CNOT2: variants seen among roughly 807,000 people sequenced by gnomAD.
CNOT2 encodes CCR4-NOT transcription complex subunit 2, also known as CC chemokine receptor 4-negative regulator of transcription 2.
Under a neutral mutation model 72.1 loss-of-function variants are expected in CNOT2, and 7 were observed. The ratio of observed to expected loss-of-function variants is 0.10; its 90% CI spans 0.06 to 0.18. The LOEUF is 0.18. Among genes scored for constraint, CNOT2 ranks in the 10% least tolerant of loss-of-function variants. The pLI, the probability that CNOT2 is intolerant of heterozygous loss-of-function variation, is 1.00. For synonymous variants in CNOT2, 196 were observed against 225.6 expected, an observed-to-expected ratio of 0.87 and a Z score of 1.17; for missense variants, 345 against 660.3, an observed-to-expected ratio of 0.52 and a Z score of 5.23.
chr12:70,342,179 C>A lies in CNOT2; in HGVS notation c.1240+11C>A. On this transcript the variant is annotated intron_variant, in intron 12 of 15. Coordinates refer to ENST00000229195, the MANE Select transcript of CNOT2 (RefSeq NM_014515.7). ...GACCTCAAGACATAGGTAGGAGAAT[C>A]TATTTGTGTTTAGACCTTTTAAAAA... The A allele has an allele frequency of 6.2e-7, 1 of 1,611,828 alleles. No individual in the cohort carries two copies. The highest frequency in any genetic ancestry group is 8.5e-7 in the Non-Finnish European group (1 of 1,178,000).
At chr12:70,284,244 C>CT (rs759085835) in intron 2 of CNOT2, among the ~76,000 whole-genome samples, 122 of 138,568 alleles carry the variant, frequency 8.8e-4, no homozygotes, top group Middle Eastern at 4.0e-3. Flanking sequence ...CTATGCCCAG[C>CT]TTTTTTTTTT....
chr12:70,344,335 C>A, intron 14 of CNOT2, 107 bp downstream of exon 14: 1 of 665,796 alleles, frequency 1.5e-6, no homozygotes, highest in Admixed American at 2.7e-5. Context: ...ATTTCTCCAT[C>A]AAGAAATTTA....
At chr12:70,277,137 T>C (rs905808199) in intron 1 of CNOT2, among the ~76,000 whole-genome samples, 1 of 152,112 alleles carries the variant, frequency 6.6e-6, no homozygotes, top group Admixed American at 6.6e-5. Context: ...TGAATTTGAA[T>C]ACCAATGTTT....
intron 14 of CNOT2, 55 bp downstream of exon 14, chr12:70,344,283 G>GA: frequency 9.3e-7 from 1 of 1,073,062 alleles, no homozygotes; most frequent in Admixed American, 1.9e-5. Flanking sequence ...TGACTATGCT[G>GA]AAAACATCTT....
intron 4 of CNOT2, among the ~76,000 whole-genome samples, chr12:70,324,669 G>A (rs549010861): frequency 2.0e-5 from 3 of 151,968 alleles, no homozygotes; most frequent in East Asian, 1.9e-4. Context: ...GCCAGATGTT[G>A]AGACTCTCAG....
chr12:70,285,496 G>A (rs1972792), intron 2 of CNOT2: 21,887 of 151,984 alleles, frequency 0.14, 1,908 homozygotes, highest in Admixed American at 0.28. Flanking sequence ...GATTACAGGC[G>A]TGAGCCACCG....
chr12:70,332,800 A>G lies in CNOT2; in HGVS notation c.603A>G (p.Ala201=). The G allele has an allele frequency of 6.2e-7, 1 of 1,607,740 alleles. No individual in the cohort carries two copies. Among genetic ancestry groups the G allele is most frequent in the Non-Finnish European group, 8.5e-7 (1 of 1,176,928 alleles). ...MSGFGMNRNQ[A]FGMNNSLSSN... is the part of the protein sequence containing the mutation. ...GATTTGGAATGAACAGGAATCAGGC[A>G]TTTGGAATGAATAACTCCTTATCAA... Residue 201 remains alanine (A), a synonymous_variant, in exon 7 of 16, where the codon GCA becomes GCG. Transcript: ENST00000229195.
chr12:70,270,722 T>C (rs545674743), intron 1 of CNOT2, among the ~76,000 whole-genome samples: 9 of 152,310 alleles, frequency 5.9e-5, no homozygotes, highest in Non-Finnish European at 7.4e-5. Flanking sequence ...TGAGCATTTA[T>C]AGCTAGTAAA....
chr12:70,335,419 G>T lies in CNOT2; in HGVS notation c.650-19G>T, dbSNP rs1039855671. Reference sequence around the variant, plus strand: ...AATATTTGTAGAATCAATAACCAGTGTCCTTTCTTATTATTTAGACGGAAG... The same window carrying T: ...AATATTTGTAGAATCAATAACCAGTTTCCTTTCTTATTATTTAGACGGAAG... On this transcript the variant is annotated intron_variant, in intron 7 of 15. Coordinates refer to ENST00000229195, the MANE Select transcript of CNOT2 (RefSeq NM_014515.7). 4 of 1,558,762 alleles carry T rather than the reference G, an allele frequency of 2.6e-6. No individual in the cohort carries two copies. In the Admixed American group the frequency reaches 5.1e-5, roughly 20 times the overall value.
chr12:70,337,192 A>G, intron 8 of CNOT2, 197 bp from the exon 9 acceptor site: 1 of 446,084 alleles, frequency 2.2e-6, no homozygotes, highest in Non-Finnish European at 4.0e-6. Context: ...ATTATTTTGT[A>G]TGTTGAGTTA....
intron 2 of CNOT2, chr12:70,294,382 C>T: frequency 2.5e-6 from 2 of 801,432 alleles, no homozygotes; most frequent in Admixed American, 2.5e-5. Flanking sequence ...ATCAATGAGT[C>T]ATTTTGTTAG....
At chr12:70,251,173 A>G (rs1958124741) in intron 1 of CNOT2, among the ~76,000 whole-genome samples, 1 of 152,206 alleles carries the variant, frequency 6.6e-6, no homozygotes, top group African/African-American at 2.4e-5. Flanking sequence ...AATAAATGTT[A>G]CTTTGTGCTG....
rs532011911 is a variant in CNOT2 at position 70,281,031 on chromosome 12, A to T, written c.48+2757A>T. ...ACTTACCCTAGCTATGAGCATGCAC[A>T]TGCACAAATGTAAACCATCTTAATT... On this transcript the variant is annotated intron_variant, in intron 2 of 15. Coordinates refer to ENST00000229195, the MANE Select transcript of CNOT2 (RefSeq NM_014515.7). Among the ~76,000 whole-genome samples, 3 of 151,794 alleles carry T rather than the reference A, an allele frequency of 2.0e-5. No individual in the cohort carries two copies. In the South Asian group the frequency reaches 6.3e-4, roughly 32 times the overall value.
intron 1 of CNOT2, among the ~76,000 whole-genome samples, chr12:70,273,657 T>A (rs1220301260): frequency 6.6e-6 from 1 of 152,160 alleles, no homozygotes; most frequent in Non-Finnish European, 1.5e-5. Flanking sequence ...GTTCAGAAAT[T>A]ATTGAACTTT....
intron 2 of CNOT2, among the ~76,000 whole-genome samples, chr12:70,288,177 C>G (rs1286541268): frequency 7.8e-5 from 8 of 102,158 alleles, no homozygotes; most frequent in Non-Finnish European, 1.3e-4. Flanking sequence ...GAGTTTCGCT[C>G]TTGTTGCCTA....
chr12:70,296,715 A>G (rs1872855155), intron 2 of CNOT2, among the ~76,000 whole-genome samples: 1 of 151,024 alleles, frequency 6.6e-6, no homozygotes, highest in Non-Finnish European at 1.5e-5. Context: ...AGAAGCTAGA[A>G]TTTTTTTGTG....
intron 4 of CNOT2, chr12:70,324,261 A>G (rs1020709344): frequency 1.3e-5 from 2 of 151,798 alleles, no homozygotes; most frequent in Non-Finnish European, 2.9e-5. Flanking sequence ...ATAATTATGT[A>G]TTTATTGGGT....
intron 1 of CNOT2, among the ~76,000 whole-genome samples, chr12:70,261,233 G>A (rs184101756): frequency 1.4e-5 from 2 of 144,438 alleles, no homozygotes; most frequent in African/African-American, 5.1e-5. Context: ...TGGTCATGTT[G>A]TATAATCCCT....
chr12:70,348,631 C>A (rs973719350), intron 15 of CNOT2, among the ~76,000 whole-genome samples: 10 of 152,112 alleles, frequency 6.6e-5, no homozygotes, highest in African/African-American at 2.4e-4. Flanking sequence ...TAAACAGCTA[C>A]ATAATTTTAG....
Sources: gnomAD v4.1 joint callset for allele counts (sites outside exome capture counted in the v4.1 genomes callset) on GRCh38, gnomAD v4.1.1 for gene constraint, MANE v1.5 for transcripts, NCBI Gene and HGNC (gene_info 2026-07-23, HGNC 2026-07-21) for gene names.